QTMAN: variants seen among roughly 807,000 people sequenced by gnomAD.
QTMAN encodes the protein tRNA-queuosine alpha-mannosyltransferase.
chr2:144,256,234 C>T, the QTMAN span, among the ~76,000 whole-genome samples: 9 of 152,262 alleles, frequency 5.9e-5, no homozygotes, highest in East Asian at 1.3e-3. Flanking sequence ...ATTCGACAGG[C>T]TTCCCATGTT....
the QTMAN span, among the ~76,000 whole-genome samples, chr2:144,102,804 C>T: frequency 2.6e-5 from 4 of 151,966 alleles, no homozygotes; most frequent in African/African-American, 4.8e-5. Flanking sequence ...GTGTTTCTTT[C>T]GAAAAACAAA....
the QTMAN span, among the ~76,000 whole-genome samples, chr2:144,319,140 A>G: frequency 7.9e-5 from 12 of 152,176 alleles, no homozygotes; most frequent in Non-Finnish European, 7.4e-5. Context: ...TATGAATTCA[A>G]CTGTTCTATG....
the QTMAN span, chr2:144,011,845 G>A: frequency 2.1e-6 from 1 of 482,780 alleles, no homozygotes; most frequent in Non-Finnish European, 2.7e-6. Flanking sequence ...CCCGAGGTAA[G>A]AAGTGAAAGA....
chr2:144,322,587 T>C, the QTMAN span, among the ~76,000 whole-genome samples: 1 of 152,094 alleles, frequency 6.6e-6, no homozygotes, highest in Non-Finnish European at 1.5e-5. Flanking sequence ...GTTGTTTTGA[T>C]TGAGCAACAT....
chr2:144,110,067 C>T, the QTMAN span, among the ~76,000 whole-genome samples: 4 of 152,088 alleles, frequency 2.6e-5, no homozygotes, highest in Admixed American at 6.5e-5. Context: ...TTATAAATCA[C>T]GCTGCTATAA....
chr2:144,143,022 T>A, the QTMAN span, among the ~76,000 whole-genome samples: 1 of 152,004 alleles, frequency 6.6e-6, no homozygotes, highest in East Asian at 1.9e-4. Context: ...CAAATCTCAG[T>A]CAGCCACATG....
the QTMAN span, among the ~76,000 whole-genome samples, chr2:144,051,463 T>G: frequency 6.6e-6 from 1 of 152,052 alleles, no homozygotes. Flanking sequence ...AAGGCTGTAG[T>G]GAACGATGAT....
At chr2:144,288,914 CAGAT>C in the QTMAN span, among the ~76,000 whole-genome samples, 1 of 150,734 alleles carries the variant, frequency 6.6e-6, no homozygotes, top group Non-Finnish European at 1.5e-5. Flanking sequence ...GGGAGGGAAA[CAGAT>C]AGGGAGAAAC....
chr2:144,307,579 T>C, the QTMAN span, among the ~76,000 whole-genome samples: 1 of 152,198 alleles, frequency 6.6e-6, no homozygotes, highest in Non-Finnish European at 1.5e-5. Context: ...ATTAACAAGA[T>C]CATATATAGA....
chr2:144,161,331 C>T, the QTMAN span, among the ~76,000 whole-genome samples: 2 of 152,116 alleles, frequency 1.3e-5, no homozygotes, highest in African/African-American at 4.8e-5. Context: ...TTCCAGTACC[C>T]TGTTGCAGAA....
chr2:143,996,094 A>G, the QTMAN span, among the ~76,000 whole-genome samples: 1 of 152,192 alleles, frequency 6.6e-6, no homozygotes, highest in African/African-American at 2.4e-5. Flanking sequence ...GGTTCACTAC[A>G]TTAAATGGGT....
the QTMAN span, chr2:144,141,775 AC>A: frequency 3.9e-6 from 3 of 771,804 alleles, no homozygotes; most frequent in African/African-American, 5.2e-5. Context: ...TCTCTAACTA[AC>A]CATACTTATG....
At chr2:144,079,418 A>G in the QTMAN span, among the ~76,000 whole-genome samples, 1 of 152,176 alleles carries the variant, frequency 6.6e-6, no homozygotes, top group Admixed American at 6.5e-5. Flanking sequence ...GCATTTTATT[A>G]AACTATAATT....
the QTMAN span, among the ~76,000 whole-genome samples, chr2:144,067,529 A>G: frequency 2.0e-5 from 3 of 152,180 alleles, no homozygotes; most frequent in Admixed American, 2.0e-4. Context: ...AAGAAATCCA[A>G]TTAAGAGTTG....
At chr2:144,124,504 G>C in the QTMAN span, among the ~76,000 whole-genome samples, 3 of 151,906 alleles carry the variant, frequency 2.0e-5, no homozygotes, top group Non-Finnish European at 2.9e-5. Context: ...GATTTTATAG[G>C]CATTACTAAG....
At chr2:143,989,486 T>A in the QTMAN span, among the ~76,000 whole-genome samples, 1 of 152,010 alleles carries the variant, frequency 6.6e-6, no homozygotes, top group East Asian at 1.9e-4. Context: ...CCCTCAAATG[T>A]CATGGCAGAG....
At chr2:144,266,200 T>C in the QTMAN span, among the ~76,000 whole-genome samples, 2 of 152,118 alleles carry the variant, frequency 1.3e-5, no homozygotes, top group Non-Finnish European at 2.9e-5. Context: ...AGGAAACTTA[T>C]GAACAAATTA....
chr2:144,328,736 C>T, the QTMAN span, among the ~76,000 whole-genome samples: 2 of 152,058 alleles, frequency 1.3e-5, no homozygotes, highest in Admixed American at 6.6e-5. Context: ...CCTACTCTAC[C>T]GTACAACTGC....
At chr2:144,151,517 G>A in the QTMAN span, among the ~76,000 whole-genome samples, 1 of 152,108 alleles carries the variant, frequency 6.6e-6, no homozygotes, top group African/African-American at 2.4e-5. Flanking sequence ...ACTGTCTTGG[G>A]CTAAGATGCT....
Sources: gnomAD v4.1 joint callset for allele counts (sites outside exome capture counted in the v4.1 genomes callset) on GRCh38, gnomAD v4.1.1 for gene constraint, MANE v1.5 for transcripts, NCBI Gene and HGNC (gene_info 2026-07-23, HGNC 2026-07-21) for gene names.